The following DOCK3 variants were observed in gnomAD, a reference collection of about 807,000 sequenced individuals.
DOCK3 encodes dedicator of cytokinesis protein 3.
A neutral mutation model predicts 265.6 loss-of-function variants in DOCK3; 60 were observed. That is an observed-to-expected ratio of 0.23 (90% CI 0.18 to 0.28). The LOEUF is 0.28. DOCK3 is among the 10% of genes least tolerant of loss of function. The pLI is 1.00. For synonymous variants in DOCK3, 881 were observed against 938.0 expected (o/e 0.94, Z 1.11); for missense variants, 1,981 against 2,594.3 (o/e 0.76, Z 5.14).
chr3:50,812,751 C>A (rs1210153025), intron 2 of DOCK3, among the ~76,000 whole-genome samples: 1 of 152,204 alleles, frequency 6.6e-6, no homozygotes, highest in Non-Finnish European at 1.5e-5. Flanking sequence ...TTAATCTCAT[C>A]CAGAAACACC....
At chr3:50,829,010 A>G (rs2044956656) in intron 2 of DOCK3, among the ~76,000 whole-genome samples, 1 of 151,962 alleles carries the variant, frequency 6.6e-6, no homozygotes, top group African/African-American at 2.4e-5. Context: ...CCGCGCCTGG[A>G]CCCTTTTACC....
At chr3:51,133,496 TC>T (rs1458952893) in intron 9 of DOCK3, among the ~76,000 whole-genome samples, 1 of 152,092 alleles carries the variant, frequency 6.6e-6, no homozygotes, top group Non-Finnish European at 1.5e-5. Context: ...CATGAACTCA[TC>T]CTTTTTTATG....
intron 1 of DOCK3, among the ~76,000 whole-genome samples, chr3:50,707,940 T>C (rs2107882744): frequency 6.6e-6 from 1 of 152,294 alleles, no homozygotes; most frequent in South Asian, 2.1e-4. Context: ...TGTTGATCCC[T>C]AGGCCCCCAT....
intron 5 of DOCK3, among the ~76,000 whole-genome samples, chr3:50,984,936 A>G (rs1017998278): frequency 6.6e-6 from 1 of 152,226 alleles, no homozygotes; most frequent in Admixed American, 6.5e-5. Flanking sequence ...AGTTGTGTGC[A>G]AATACTGTGC....
chr3:51,226,694 T>G (rs2090341842), intron 15 of DOCK3, among the ~76,000 whole-genome samples: 1 of 152,208 alleles, frequency 6.6e-6, no homozygotes, highest in Non-Finnish European at 1.5e-5. Flanking sequence ...CTACTCTGGC[T>G]TATGTGGCCC....
chr3:51,348,243 C>G (rs186710581), intron 38 of DOCK3, among the ~76,000 whole-genome samples: 192 of 152,314 alleles, frequency 1.3e-3, no homozygotes, highest in Middle Eastern at 3.4e-3. Flanking sequence ...TGGAATCTAA[C>G]TAGGCAAGGA....
chr3:51,312,376 A>G, intron 29 of DOCK3, 100 bp from the exon 30 acceptor site: 1 of 1,107,248 alleles, frequency 9.0e-7, no homozygotes, highest in Non-Finnish European at 1.3e-6. Flanking sequence ...GGATCTTAAG[A>G]TTGTAAAATG....
At chr3:50,876,535 A>G (rs2047708743) in intron 3 of DOCK3, among the ~76,000 whole-genome samples, 1 of 152,096 alleles carries the variant, frequency 6.6e-6, no homozygotes, top group African/African-American at 2.4e-5. Context: ...AAACCACAGT[A>G]AAATATTCAG....
intron 5 of DOCK3, among the ~76,000 whole-genome samples, chr3:51,058,593 A>G (rs1175437959): frequency 6.6e-6 from 1 of 152,334 alleles, no homozygotes; most frequent in East Asian, 1.9e-4. Context: ...CATAATACGT[A>G]TATGCCATCT....
At position 51,369,694 on chromosome 3, in the gene DOCK3, A is replaced by G. The variant is rs551179154; in HGVS notation, c.5294-4775A>G. ...CAGTAGGAGTGATGGAGAGAAGCCC[A>G]CAGTAGGAGTGACTGCTGTATGGCA... is the stretch of plus-strand genomic sequence containing the variant. On this transcript the variant is annotated intron_variant, in intron 49 of 52. Transcript: ENST00000266037. 7.9e-5 allele frequency among the ~76,000 whole-genome samples: 12 copies of G among 152,220 alleles called. No individual in the cohort carries two copies. The South Asian group carries it at 2.1e-3, about 26-fold the overall frequency.
intron 5 of DOCK3, among the ~76,000 whole-genome samples, chr3:51,017,819 A>T (rs2079413011): frequency 6.6e-6 from 1 of 151,898 alleles, no homozygotes; most frequent in Non-Finnish European, 1.5e-5. Flanking sequence ...AGGCACTGCC[A>T]AACAGCTTTC....
intron 22 of DOCK3, among the ~76,000 whole-genome samples, chr3:51,249,916 T>G (rs1442943583): frequency 6.7e-6 from 1 of 150,064 alleles, no homozygotes; most frequent in Non-Finnish European, 1.5e-5. Flanking sequence ...GACTTTTCAT[T>G]TTGTTCTGTA....
chr3:50,827,850 A>G (rs1374469675), intron 2 of DOCK3, among the ~76,000 whole-genome samples: 1 of 152,006 alleles, frequency 6.6e-6, no homozygotes, highest in Non-Finnish European at 1.5e-5. Context: ...GAATTAACCC[A>G]GCATTTTAAT....
intron 3 of DOCK3, among the ~76,000 whole-genome samples, chr3:50,867,293 T>C (rs894380780): frequency 5.9e-5 from 9 of 152,228 alleles, no homozygotes; most frequent in Non-Finnish European, 1.2e-4. Flanking sequence ...GTGACTTTAC[T>C]GAATTTATCA....
chr3:51,320,836 A>T (rs2083671705), intron 32 of DOCK3, among the ~76,000 whole-genome samples: 1 of 152,200 alleles, frequency 6.6e-6, no homozygotes, highest in South Asian at 2.1e-4. Flanking sequence ...TCAGGGGCTT[A>T]TAGATAAAAC....
chr3:50,978,600 T>C (rs967097104), intron 5 of DOCK3, among the ~76,000 whole-genome samples: 12 of 152,132 alleles, frequency 7.9e-5, no homozygotes, highest in Non-Finnish European at 2.9e-5. Context: ...GTCTTTTTGT[T>C]TGTCTGTGCC....
At chr3:51,314,363 G>A (rs2083250403) in intron 31 of DOCK3, among the ~76,000 whole-genome samples, 1 of 152,200 alleles carries the variant, frequency 6.6e-6, no homozygotes, top group African/African-American at 2.4e-5. Flanking sequence ...CACAAAGGGA[G>A]TTCAGGGTGG....
chr3:51,220,330 C>G (rs924424134), intron 14 of DOCK3, among the ~76,000 whole-genome samples: 1 of 152,006 alleles, frequency 6.6e-6, no homozygotes, highest in Admixed American at 6.6e-5. Context: ...CTAATCCTAT[C>G]TAGAAGTAGA....
intron 14 of DOCK3, among the ~76,000 whole-genome samples, chr3:51,217,366 C>G (rs1576439802): frequency 6.6e-6 from 1 of 152,192 alleles, no homozygotes; most frequent in African/African-American, 2.4e-5. Flanking sequence ...TCTGCCATAA[C>G]TGAGGCCATG....
Sources: allele counts gnomAD v4.1 joint callset (sites outside exome capture counted in the v4.1 genomes callset), GRCh38; gene constraint gnomAD v4.1.1; transcripts MANE v1.5; gene names NCBI Gene and HGNC (gene_info 2026-07-23, HGNC 2026-07-21).